BRMS1L: variants seen among roughly 807,000 people sequenced by gnomAD.
BRMS1L encodes the protein BRMS1 like transcriptional repressor.
In BRMS1L, 23 loss-of-function variants were observed where a neutral mutation model predicts 50.3. The observed-to-expected ratio is 0.46, with a 90% CI of 0.33 to 0.65. The LOEUF (loss-of-function observed/expected upper bound fraction) is 0.65, where lower values mean the gene tolerates loss of function less well. Ranked by LOEUF, BRMS1L falls within the 30% of genes least tolerant of loss-of-function variation. The probability of loss-of-function intolerance (pLI) is 0.02; values close to 1 mark genes in which losing one functional copy is unlikely to be tolerated. For missense variants in BRMS1L, 286 were observed against 386.1 expected, an observed-to-expected ratio of 0.74 and a Z score of 2.17; for synonymous variants, 114 against 126.9, an observed-to-expected ratio of 0.90 and a Z score of 0.69.
At position 35,840,477 on chromosome 14, in the gene BRMS1L, C is replaced by T. The variant is rs149649541; in HGVS notation, c.441+5554C>T. On this transcript the variant is annotated intron_variant, in intron 4 of 9. Transcript: ENST00000216807. ...TCCTCTTTGTACCTCTAGTAGAATT[C>T]GGCTGTGAATCCATCTGGTCCTGGG... Among the ~76,000 whole-genome samples the T allele has an allele frequency of 3.5e-3, 534 of 151,694 alleles. 2 individuals are homozygous for T. Among genetic ancestry groups the T allele is most frequent in the African/African-American group, 0.012 (505 of 41,390 alleles).
At chr14:35,830,941 A>AT (rs762350767) in intron 1 of BRMS1L, among the ~76,000 whole-genome samples, 1,333 of 131,668 alleles carry the variant, frequency 0.01, 11 homozygotes, top group African/African-American at 0.023. Flanking sequence ...TCTATAGTGG[A>AT]TTTTTTTTTT....
At position 35,826,404 on chromosome 14, in the gene BRMS1L, G is replaced by A. The variant is rs2077842148; in HGVS notation, c.-113G>A. 3.4e-6 allele frequency: 5 copies of A among 1,490,456 alleles called. No individual in the cohort carries two copies. Among genetic ancestry groups the A allele is most frequent in the Non-Finnish European group, 4.5e-6 (5 of 1,106,064 alleles). 92.3% of individuals were successfully genotyped at this position (1,490,456 alleles called of 1,614,324 possible). On this transcript the variant is annotated 5_prime_UTR_variant, in exon 1 of 10. Transcript: ENST00000216807. ...CGGGCCGGGGGCGGGGAGGAGCCAA[G>A]GGGGCGAGCAAGCTCGGTGGCTGGG...
chr14:35,866,925 C>T (rs889083490), intron 8 of BRMS1L, among the ~76,000 whole-genome samples: 1 of 152,052 alleles, frequency 6.6e-6, no homozygotes, highest in African/African-American at 2.4e-5. Context: ...GCATTGTATC[C>T]TATTAGTTTT....
chr14:35,869,086 A>G (rs910983578), intron 9 of BRMS1L, among the ~76,000 whole-genome samples: 1 of 152,220 alleles, frequency 6.6e-6, no homozygotes, highest in Non-Finnish European at 1.5e-5. Flanking sequence ...AGTGGTTTTA[A>G]TTGTAAGATA....
At chr14:35,866,004 CA>C in intron 8 of BRMS1L, 1 of 430,238 alleles carries the variant, frequency 2.3e-6, no homozygotes, top group Non-Finnish European at 4.0e-6. Context: ...ATCAGTAACT[CA>C]AAAAAGTATT....
At chr14:35,853,416 A>G (rs1170179568) in intron 4 of BRMS1L, among the ~76,000 whole-genome samples, 1 of 151,876 alleles carries the variant, frequency 6.6e-6, no homozygotes, top group African/African-American at 2.4e-5. Context: ...GATGATGATG[A>G]TGATAATGAT....
intron 4 of BRMS1L, among the ~76,000 whole-genome samples, chr14:35,859,001 G>A (rs2078316743): frequency 6.6e-6 from 1 of 151,354 alleles, no homozygotes; most frequent in African/African-American, 2.4e-5. Flanking sequence ...GAGTGCAGTG[G>A]TGCAATCTCG....
In BRMS1L at chr14:35,826,591, T is replaced by C. The variant is rs772776654; in HGVS notation, c.75T>C (p.Asn25=). ...HDEMEVDYAE[N]EGSSSEDEDT... ...AGATGGAGGTGGACTACGCCGAAAA[T>C]GAGGGGAGCAGCTCCGAGGACGAGG... Residue 25 remains asparagine (N), a synonymous_variant, in exon 1 of 10, where the codon AAT becomes AAC. Coordinates refer to ENST00000216807, the MANE Select transcript of BRMS1L (RefSeq NM_032352.4). 1 of 1,611,122 alleles carries C rather than the reference T, an allele frequency of 6.2e-7. No homozygotes were observed. Among genetic ancestry groups the C allele is most frequent in the Admixed American group, 1.7e-5 (1 of 59,698 alleles).
At chr14:35,831,607 G>A (rs1328834504) in intron 2 of BRMS1L, 107 bp downstream of exon 2, 6 of 776,116 alleles carry the variant, frequency 7.7e-6, no homozygotes, top group Admixed American at 5.0e-5. Flanking sequence ...TATTTTATGC[G>A]ACAGACCAAT....
chr14:35,828,493 G>C (rs967718782), intron 1 of BRMS1L, among the ~76,000 whole-genome samples: 2 of 89,562 alleles, frequency 2.2e-5, no homozygotes, highest in Non-Finnish European at 4.3e-5. Flanking sequence ...TTTTTTTTGA[G>C]AAGGAGTTTT....
chr14:35,826,634 G>A lies in BRMS1L; in HGVS notation c.118G>A (p.Val40Ile). 1 of 1,612,528 alleles carries A rather than the reference G, an allele frequency of 6.2e-7. No individual in the cohort carries two copies. Among genetic ancestry groups the A allele is most frequent in the Non-Finnish European group, 8.5e-7 (1 of 1,179,578 alleles). Residue 40 changes from valine (V) to isoleucine (I), a missense_variant, in exon 1 of 10, where the codon GTC becomes ATC. Val to Ile is a conservative substitution (Grantham distance 29, BLOSUM62 3). This residue lies in a region of BRMS1L where 66 missense variants were observed against 67.8 expected (regional missense o/e 0.97). Coordinates refer to ENST00000216807, the MANE Select transcript of BRMS1L (RefSeq NM_032352.4). ...SEDEDTESSS[V>I]SEDGDSSEMD... ...GGACGAGGACACTGAGAGCTCGTCG[G>A]TCTCCGAGGATGGAGATAGCTCAGG...
chr14:35,837,449 C>G (rs1254840993), intron 4 of BRMS1L, among the ~76,000 whole-genome samples: 2 of 152,080 alleles, frequency 1.3e-5, no homozygotes, highest in East Asian at 3.9e-4. Context: ...TTCATTTGTT[C>G]TGTTTGGCTA....
intron 9 of BRMS1L, 46 bp from the exon 10 acceptor site, chr14:35,870,314 G>A: frequency 8.4e-7 from 1 of 1,184,402 alleles, no homozygotes; most frequent in East Asian, 2.4e-5. Context: ...AGTGAATTGA[G>A]GAGACATTGT....
chr14:35,832,067 C>T (rs1197723863), intron 2 of BRMS1L, among the ~76,000 whole-genome samples: 1 of 152,094 alleles, frequency 6.6e-6, no homozygotes, highest in East Asian at 1.9e-4. Flanking sequence ...GGACCTCCTG[C>T]CCCATTTTTG....
At chr14:35,838,393 T>C (rs2078020095) in intron 4 of BRMS1L, among the ~76,000 whole-genome samples, 1 of 152,164 alleles carries the variant, frequency 6.6e-6, no homozygotes, top group Non-Finnish European at 1.5e-5. Flanking sequence ...ATACCCAGTA[T>C]TGGGATTCCT....
intron 4 of BRMS1L, among the ~76,000 whole-genome samples, chr14:35,842,760 C>T (rs1374942911): frequency 6.6e-6 from 1 of 152,132 alleles, no homozygotes; most frequent in East Asian, 1.9e-4. Context: ...TGGATAATAT[C>T]CTGAAGAGTT....
intron 4 of BRMS1L, among the ~76,000 whole-genome samples, chr14:35,847,862 G>C (rs1221213195): frequency 6.6e-6 from 1 of 152,154 alleles, no homozygotes; most frequent in Non-Finnish European, 1.5e-5. Flanking sequence ...ATGTCAATAT[G>C]CTGCTGATAA....
intron 4 of BRMS1L, among the ~76,000 whole-genome samples, chr14:35,837,217 T>C (rs964926073): frequency 4.6e-5 from 7 of 151,726 alleles, no homozygotes; most frequent in East Asian, 1.9e-4. Context: ...ATCGTGCCAT[T>C]GCACTCCAGC....
Position 35,826,609 on chromosome 14 carries a change from GGAC to G in BRMS1L, c.96_98del (p.Asp32del), listed in dbSNP as rs1567296254. ...CCGAAAATGAGGGGAGCAGCTCCGAGGACGAGGACACTGAGAGCTCGTCGGTCT... is the reference window on the plus strand; with the variant it reads ...CCGAAAATGAGGGGAGCAGCTCCGAGGAGGACACTGAGAGCTCGTCGGTCT... On this transcript the variant is annotated inframe_deletion, in exon 1 of 10. Coordinates refer to ENST00000216807, the MANE Select transcript of BRMS1L (RefSeq NM_032352.4). 6.2e-7 allele frequency: 1 copy of G among 1,612,272 alleles called. No homozygotes were observed. Among genetic ancestry groups the G allele is most frequent in the Non-Finnish European group, 8.5e-7 (1 of 1,179,516 alleles).
Sources: allele counts gnomAD v4.1 joint callset (sites outside exome capture counted in the v4.1 genomes callset), GRCh38; gene constraint gnomAD v4.1.1; regional missense constraint gnomAD v4.1.1; transcripts MANE v1.5; gene names NCBI Gene and HGNC (gene_info 2026-07-23, HGNC 2026-07-21).